MXI1: variants seen among roughly 807,000 people sequenced by gnomAD.
MXI1 encodes the protein MAX interactor 1, dimerization protein.
In MXI1, 18 loss-of-function variants were observed where a neutral mutation model predicts 36.9. The observed-to-expected ratio is 0.49, with a 90% confidence interval of 0.34 to 0.72. The LOEUF (loss-of-function observed/expected upper bound fraction) is 0.72. Among genes scored for constraint, MXI1 ranks in the 30% least tolerant of loss-of-function variants. MXI1 has a pLI of 0.01. For missense variants in MXI1, 304 were observed against 379.1 expected, an observed-to-expected ratio of 0.80 and a Z score of 1.64; for synonymous variants, 160 against 146.7, an observed-to-expected ratio of 1.09 and a Z score of -0.65.
At chr10:110,210,343 GC>G in intron 1 of MXI1, 1 of 954,472 alleles carries the variant, frequency 1.0e-6, no homozygotes, top group Non-Finnish European at 1.2e-6. Flanking sequence ...CGGCCCCGCA[GC>G]CCCCCTCCTC....
chr10:110,268,282 G>A (rs190456850), intron 3 of MXI1, among the ~76,000 whole-genome samples: 193 of 152,294 alleles, frequency 1.3e-3, no homozygotes, highest in Middle Eastern at 3.4e-3. Context: ...TTGTGTAGCA[G>A]TCCTTAGAAA....
intron 3 of MXI1, among the ~76,000 whole-genome samples, chr10:110,247,195 T>G (rs573270626): frequency 6.6e-6 from 1 of 152,196 alleles, no homozygotes; most frequent in Non-Finnish European, 1.5e-5. Flanking sequence ...TTTCGAGAAG[T>G]GTCTGTCCAT....
At chr10:110,242,858 A>G (rs1855723344) in intron 2 of MXI1, among the ~76,000 whole-genome samples, 1 of 149,122 alleles carries the variant, frequency 6.7e-6, no homozygotes, top group African/African-American at 2.4e-5. Context: ...AGTTTATGGC[A>G]AATAGTCTGC....
chr10:110,226,171 A>C, intron 1 of MXI1: 2 of 1,426,772 alleles, frequency 1.4e-6, no homozygotes, highest in Non-Finnish European at 1.8e-6. Context: ...CGGCCCGAGA[A>C]GGGAGTGCGG....
At chr10:110,277,563 G>T (rs1040212537) in intron 3 of MXI1, among the ~76,000 whole-genome samples, 2 of 152,192 alleles carry the variant, frequency 1.3e-5, no homozygotes, top group Admixed American at 6.5e-5. Flanking sequence ...CATTTGGGTA[G>T]TACAGCAGGG....
At chr10:110,243,187 G>A (rs1442408078) in intron 2 of MXI1, among the ~76,000 whole-genome samples, 3 of 151,992 alleles carry the variant, frequency 2.0e-5, no homozygotes, top group Non-Finnish European at 2.9e-5. Flanking sequence ...TGAATTTTGA[G>A]CTCCGAGTCT....
intron 1 of MXI1, chr10:110,227,305 C>A: frequency 1.8e-5 from 11 of 603,898 alleles, no homozygotes; most frequent in Non-Finnish European, 2.0e-5. Flanking sequence ...GTGGGAGGGG[C>A]GGGTGCGGGG....
chr10:110,230,436 C>T, intron 2 of MXI1, among the ~76,000 whole-genome samples: 1 of 152,074 alleles, frequency 6.6e-6, no homozygotes, highest in East Asian at 1.9e-4. Context: ...AATATGTGTA[C>T]ATTAGACCAC....
At chr10:110,270,161 A>G (rs1489453360) in intron 3 of MXI1, among the ~76,000 whole-genome samples, 2 of 152,222 alleles carry the variant, frequency 1.3e-5, no homozygotes, top group South Asian at 2.1e-4. Flanking sequence ...ACAAATTGCC[A>G]CTGTTTTCTC....
At chr10:110,260,641 T>G (rs1413622933) in intron 3 of MXI1, among the ~76,000 whole-genome samples, 1 of 152,006 alleles carries the variant, frequency 6.6e-6, no homozygotes, top group Non-Finnish European at 1.5e-5. Context: ...TAATTTATAA[T>G]GAAGAACTTT....
intron 3 of MXI1, among the ~76,000 whole-genome samples, chr10:110,246,568 C>G (rs1270494289): frequency 6.6e-6 from 1 of 152,162 alleles, no homozygotes; most frequent in Non-Finnish European, 1.5e-5. Context: ...GTTCTTGTCT[C>G]TTATTGTAAG....
At chr10:110,243,974 T>C (rs75118296) in intron 2 of MXI1, among the ~76,000 whole-genome samples, 10 of 152,198 alleles carry the variant, frequency 6.6e-5, no homozygotes, top group Non-Finnish European at 1.5e-4. Flanking sequence ...TAGACCTGGA[T>C]TGAAATCATG....
intron 3 of MXI1, among the ~76,000 whole-genome samples, chr10:110,252,603 ATCTG>A (rs1213330557): frequency 2.0e-5 from 3 of 152,144 alleles, no homozygotes; most frequent in African/African-American, 7.2e-5. Flanking sequence ...TAACATTTAT[ATCTG>A]TCTGAGTTAT....
At chr10:110,261,162 C>T (rs769042905) in intron 3 of MXI1, 1 of 982,090 alleles carries the variant, frequency 1.0e-6, no homozygotes, top group African/African-American at 1.7e-5. Context: ...ATGTTGGAAT[C>T]TTTCTTCCTA....
At chr10:110,268,768 A>T (rs1856764807) in intron 3 of MXI1, among the ~76,000 whole-genome samples, 1 of 152,206 alleles carries the variant, frequency 6.6e-6, no homozygotes, top group African/African-American at 2.4e-5. Flanking sequence ...AGGAAAAAAA[A>T]AAAGTGATAC....
chr10:110,258,709 T>A (rs987599239), intron 3 of MXI1, among the ~76,000 whole-genome samples: 2 of 152,144 alleles, frequency 1.3e-5, no homozygotes, highest in African/African-American at 4.8e-5. Context: ...GATGAAGTAA[T>A]GTGCAGGTTT....
intron 1 of MXI1, among the ~76,000 whole-genome samples, chr10:110,213,265 G>T (rs1854552298): frequency 6.6e-6 from 1 of 152,226 alleles, no homozygotes; most frequent in Non-Finnish European, 1.5e-5. Context: ...CGAGGGCTTT[G>T]ATGGCAACTA....
intron 1 of MXI1, among the ~76,000 whole-genome samples, chr10:110,215,187 G>C (rs1001302649): frequency 4.0e-5 from 6 of 151,896 alleles, no homozygotes; most frequent in African/African-American, 1.2e-4. Flanking sequence ...GACTACAGGT[G>C]GTTGCCACCA....
intron 1 of MXI1, among the ~76,000 whole-genome samples, chr10:110,212,526 G>T (rs1038347335): frequency 6.6e-6 from 1 of 152,102 alleles, no homozygotes; most frequent in Admixed American, 6.6e-5. Context: ...CCTCCTCCAG[G>T]AAGCTTCCCC....
Sources: gnomAD v4.1 joint callset for allele counts (sites outside exome capture counted in the v4.1 genomes callset) on GRCh38, gnomAD v4.1.1 for gene constraint, MANE v1.5 for transcripts, NCBI Gene and HGNC (gene_info 2026-07-23, HGNC 2026-07-21) for gene names.